RIMS2: variants seen among roughly 807,000 people sequenced by gnomAD.
The protein encoded by RIMS2 is regulating synaptic membrane exocytosis protein 2.
RIMS2 carries 59 observed loss-of-function variants against 174.4 expected under a neutral mutation model. The ratio of observed to expected loss-of-function variants is 0.34; its 90% CI spans 0.27 to 0.42. The LOEUF (loss-of-function observed/expected upper bound fraction) is 0.42, where lower values mean the gene tolerates loss of function less well. Ranked by LOEUF, RIMS2 falls within the 10% of genes least tolerant of loss-of-function variation. The pLI, the probability that RIMS2 is intolerant of heterozygous loss-of-function variation, is 1.00. For synonymous variants in RIMS2, 606 were observed against 572.5 expected, an observed-to-expected ratio of 1.06 and a Z score of -0.84; for missense variants, 1,620 against 1,666.3, an observed-to-expected ratio of 0.97 and a Z score of 0.48.
intron 15 of RIMS2, among the ~76,000 whole-genome samples, chr8:103,970,556 G>T (rs1000185250): frequency 2.6e-5 from 4 of 152,136 alleles, no homozygotes; most frequent in African/African-American, 9.7e-5. Flanking sequence ...CAATGACTGG[G>T]TTCCTGTGGA....
chr8:104,017,285 G>T (rs1447405809), intron 19 of RIMS2, among the ~76,000 whole-genome samples: 1 of 151,800 alleles, frequency 6.6e-6, no homozygotes, highest in East Asian at 1.9e-4. Context: ...ATGAGAAGTT[G>T]TAATTTAATG....
intron 19 of RIMS2, among the ~76,000 whole-genome samples, chr8:104,205,450 A>G (rs2099075237): frequency 6.6e-6 from 1 of 151,938 alleles, no homozygotes; most frequent in Non-Finnish European, 1.5e-5. Flanking sequence ...TGAGCTGTGA[A>G]CAACTAACAC....
At chr8:103,564,068 C>T (rs1239860819) in intron 1 of RIMS2, among the ~76,000 whole-genome samples, 1 of 152,158 alleles carries the variant, frequency 6.6e-6, no homozygotes, top group Non-Finnish European at 1.5e-5. Flanking sequence ...AAATCACAGT[C>T]CACATTGTTG....
intron 1 of RIMS2, among the ~76,000 whole-genome samples, chr8:103,692,607 T>C (rs2097044808): frequency 6.6e-6 from 1 of 152,368 alleles, no homozygotes; most frequent in Non-Finnish European, 1.5e-5. Flanking sequence ...CAGCAGCTGA[T>C]GAATCCTGCT....
chr8:103,655,056 A>G (rs1186075625), intron 1 of RIMS2, among the ~76,000 whole-genome samples: 1 of 151,838 alleles, frequency 6.6e-6, no homozygotes, highest in Admixed American at 6.6e-5. Context: ...TCTTTAGCAT[A>G]ATAGGAAGAT....
chr8:104,094,539 A>G lies in RIMS2; in HGVS notation c.3334+79924A>G, dbSNP rs767776649. 232 of 701,714 alleles carry G rather than the reference A, an allele frequency of 3.3e-4. 1 individual carries two copies. The highest frequency in any genetic ancestry group is 6.5e-5 in the Non-Finnish European group (25 of 384,466). 43.5% of individuals were successfully genotyped at this position (701,714 alleles called of 1,614,324 possible). On this transcript the variant is annotated intron_variant, in intron 19 of 23. Coordinates refer to ENST00000504942, the Ensembl canonical transcript of RIMS2. The stretch of plus-strand genomic sequence containing the variant: ...TAAGCATGAAGAGATAGTTCATGAG[A>G]AGGAAGAGGTAAAGGAAGAAAGAAT...
In RIMS2 at chr8:103,941,687, A is replaced by G. The variant is rs973392813; in HGVS notation, c.2548-1086A>G. Among the ~76,000 whole-genome samples the G allele has an allele frequency of 1.3e-5, 2 of 152,178 alleles. 1 individual carries two copies. Among genetic ancestry groups the G allele is most frequent in the Admixed American group, 1.3e-4 (2 of 15,276 alleles). Reference sequence around the variant, plus strand: ...GGTAAATTTTAAAAATATTCCTATTATAAAATTTATATTATAATATGGTTC... The same window carrying G: ...GGTAAATTTTAAAAATATTCCTATTGTAAAATTTATATTATAATATGGTTC... On this transcript the variant is annotated intron_variant, in intron 13 of 23. Coordinates refer to ENST00000504942, the Ensembl canonical transcript of RIMS2.
At chr8:103,753,465 G>C (rs563270325) in intron 2 of RIMS2, among the ~76,000 whole-genome samples, 2 of 152,282 alleles carry the variant, frequency 1.3e-5, no homozygotes, top group East Asian at 3.9e-4. Flanking sequence ...GAGTTAGGGG[G>C]AGGATTCCCT....
At chr8:103,635,437 G>C (rs1589443730) in intron 1 of RIMS2, among the ~76,000 whole-genome samples, 1 of 152,112 alleles carries the variant, frequency 6.6e-6, no homozygotes, top group East Asian at 1.9e-4. Flanking sequence ...ATGGGAATGG[G>C]CACCGACATA....
chr8:104,166,218 C>T (rs1194778928), intron 19 of RIMS2, among the ~76,000 whole-genome samples: 4 of 151,936 alleles, frequency 2.6e-5, no homozygotes, highest in Admixed American at 2.0e-4. Context: ...AGGCGCCCGC[C>T]ACCACGCCCG....
In RIMS2 at chr8:103,789,774, G is replaced by A. The variant is rs1247170151; in HGVS notation, c.698+23237G>A. Among the ~76,000 whole-genome samples the A allele has an allele frequency of 1.0e-4, 8 of 76,496 alleles. No homozygotes were observed. In the East Asian group the frequency reaches 1.7e-3, roughly 17 times the overall value. The allele number at this position is 76,496 out of a possible 152,430, so 50.2% of individuals were successfully genotyped here. ...CTTTTTTTTTTTTTTTTTTTTTTGA[G>A]ACAGGGTCAGGCTTTGTTGCCCAGG... On this transcript the variant is annotated intron_variant, in intron 3 of 23. Coordinates refer to ENST00000504942, the Ensembl canonical transcript of RIMS2.
chr8:104,198,625 T>G (rs976214781), intron 19 of RIMS2, among the ~76,000 whole-genome samples: 1 of 152,222 alleles, frequency 6.6e-6, no homozygotes, highest in African/African-American at 2.4e-5. Context: ...AAATATTTAC[T>G]TTTCTCTCTC....
chr8:103,898,385 C>T (rs1189912748), intron 4 of RIMS2, among the ~76,000 whole-genome samples: 2 of 151,536 alleles, frequency 1.3e-5, no homozygotes, highest in Non-Finnish European at 2.9e-5. Context: ...TCTGGTCCTT[C>T]TTGATAGGAA....
Position 103,623,714 on chromosome 8 carries a change from C to T in RIMS2, c.177-73372C>T, listed in dbSNP as rs2095700976. Among the ~76,000 whole-genome samples, 6 of 150,670 alleles carry T rather than the reference C, an allele frequency of 4.0e-5. 1 individual carries two copies. Among genetic ancestry groups the T allele is most frequent in the Admixed American group, 2.7e-4 (4 of 15,074 alleles). On this transcript the variant is annotated intron_variant, in intron 1 of 23. Coordinates refer to ENST00000504942, the Ensembl canonical transcript of RIMS2. Reference sequence around the variant, plus strand: ...CCGTGTTAGCCAGGATGGTCTCGATCTCCTGACCTCGTGATCCGCCCGCTT... The same window carrying T: ...CCGTGTTAGCCAGGATGGTCTCGATTTCCTGACCTCGTGATCCGCCCGCTT...
At chr8:103,906,037 T>C (rs1291850856) in intron 4 of RIMS2, among the ~76,000 whole-genome samples, 1 of 152,154 alleles carries the variant, frequency 6.6e-6, no homozygotes, top group Admixed American at 6.5e-5. Flanking sequence ...TATTTTATTA[T>C]CTTAGTTCTG....
intron 19 of RIMS2, among the ~76,000 whole-genome samples, chr8:104,053,984 T>C (rs1247517891): frequency 2.0e-5 from 3 of 152,098 alleles, no homozygotes; most frequent in Admixed American, 2.0e-4. Context: ...AACAACTCAC[T>C]CTAGTTTGCA....
At chr8:103,562,938 TG>T (rs1318668861) in intron 1 of RIMS2, among the ~76,000 whole-genome samples, 2 of 152,300 alleles carry the variant, frequency 1.3e-5, no homozygotes, top group African/African-American at 4.8e-5. Context: ...AGCAACAGCC[TG>T]AGCCGTACCT....
intron 1 of RIMS2, among the ~76,000 whole-genome samples, chr8:103,630,580 CA>C (rs61194218): frequency 0.13 from 11,283 of 86,892 alleles, 372 homozygotes; most frequent in African/African-American, 0.21. Context: ...AACTCCATCT[CA>C]AAAAAAAAAA....
chr8:104,113,184 A>T (rs1192648054), intron 19 of RIMS2, among the ~76,000 whole-genome samples: 1 of 152,176 alleles, frequency 6.6e-6, no homozygotes, highest in Non-Finnish European at 1.5e-5. Context: ...GTGGTTGTCA[A>T]ATCAGGCTCA....
Sources: allele counts gnomAD v4.1 joint callset (sites outside exome capture counted in the v4.1 genomes callset), GRCh38; gene constraint gnomAD v4.1.1; transcripts MANE v1.5; gene names NCBI Gene and HGNC (gene_info 2026-07-23, HGNC 2026-07-21).